Variants in BLK observed in about 807,000 individuals in gnomAD.
BLK encodes the protein tyrosine-protein kinase Blk.
Under a neutral mutation model 61.8 loss-of-function variants are expected in BLK, and 64 were observed. That is an observed-to-expected ratio of 1.03 (90% CI 0.85 to 1.27). BLK has a LOEUF of 1.27. Ranked by LOEUF, BLK falls within the 50% of genes most tolerant of loss-of-function variation. The pLI is 0.00. For missense variants in BLK, 853 were observed against 660.5 expected (o/e 1.29, Z -3.19); for synonymous variants, 351 against 272.0 (o/e 1.29, Z -2.86).
At chr8:11,555,226 G>A (rs148964686) in intron 7 of BLK, 106 bp from the exon 8 acceptor site, 31 of 1,451,202 alleles carry the variant, frequency 2.1e-5, no homozygotes, top group Non-Finnish European at 2.8e-5. Flanking sequence ...CATGCAGGGG[G>A]TGGGGTGGCT....
chr8:11,538,922 T>C (rs1274507481), intron 1 of BLK, among the ~76,000 whole-genome samples: 3 of 152,152 alleles, frequency 2.0e-5, no homozygotes, highest in Non-Finnish European at 4.4e-5. Context: ...GTATCAATAA[T>C]ATATGCTTAG....
chr8:11,550,091 G>C (rs1800831050), intron 5 of BLK, 68 bp from the exon 6 acceptor site: 5 of 1,376,336 alleles, frequency 3.6e-6, no homozygotes, highest in Non-Finnish European at 5.2e-6. Flanking sequence ...GTGCAGGAGG[G>C]AGGCTGTGTG....
chr8:11,539,641 T>C (rs1222234599), intron 1 of BLK, among the ~76,000 whole-genome samples: 2 of 152,224 alleles, frequency 1.3e-5, no homozygotes, highest in Non-Finnish European at 1.5e-5. Context: ...AGATTGCTTC[T>C]TCCAATAATA....
At position 11,497,400 on chromosome 8, in the gene BLK, C is replaced by T. The variant is rs1161791620; in HGVS notation, c.-2+2809C>T. Among the ~76,000 whole-genome samples the T allele has an allele frequency of 2.0e-5, 3 of 152,150 alleles. 1 individual carries two copies. Among genetic ancestry groups the T allele is most frequent in the Admixed American group, 2.0e-4 (3 of 15,274 alleles). The stretch of plus-strand genomic sequence containing the variant: ...TTCCCACCTAGGCAACTTGCATTTG[C>T]TCTGACGTCCAGGGCAGGTGCGAAT... On this transcript the variant is annotated intron_variant, in intron 1 of 12. Coordinates refer to ENST00000259089, the MANE Select transcript of BLK (RefSeq NM_001715.3).
At chr8:11,545,865 G>T (rs1299814616) in intron 2 of BLK, 187 bp from the exon 3 acceptor site, 2 of 705,166 alleles carry the variant, frequency 2.8e-6, no homozygotes, top group East Asian at 2.6e-5. Flanking sequence ...GAGGGCGGGG[G>T]TCTGTCTGAG....
chr8:11,540,921 C>A (rs1221808403), intron 1 of BLK, among the ~76,000 whole-genome samples: 1 of 151,790 alleles, frequency 6.6e-6, no homozygotes, highest in African/African-American at 2.4e-5. Flanking sequence ...AATGCTAATG[C>A]CTCATAGACA....
At chr8:11,551,917 C>T (rs1484803762) in intron 6 of BLK, among the ~76,000 whole-genome samples, 2 of 152,098 alleles carry the variant, frequency 1.3e-5, no homozygotes, top group Admixed American at 6.5e-5. Context: ...AGCTCTACAA[C>T]GTGGCAAGCT....
At chr8:11,553,918 G>A (rs531944595) in intron 6 of BLK, among the ~76,000 whole-genome samples, 1 of 152,254 alleles carries the variant, frequency 6.6e-6, no homozygotes, top group South Asian at 2.1e-4. Context: ...CGAGGGGTCC[G>A]TGCCTGACCC....
intron 1 of BLK, among the ~76,000 whole-genome samples, chr8:11,503,406 T>A (rs1798641089): frequency 6.6e-6 from 1 of 151,964 alleles, no homozygotes; most frequent in Admixed American, 6.6e-5. Flanking sequence ...GATCTGGGGG[T>A]GCTGGCACAC....
chr8:11,507,626 C>G (rs1798827266), intron 1 of BLK, among the ~76,000 whole-genome samples: 1 of 152,190 alleles, frequency 6.6e-6, no homozygotes, highest in Non-Finnish European at 1.5e-5. Context: ...AGAGGCGAAT[C>G]AGAAAGTCCC....
At chr8:11,531,941 C>G (rs1425388189) in intron 1 of BLK, among the ~76,000 whole-genome samples, 1 of 152,124 alleles carries the variant, frequency 6.6e-6, no homozygotes, top group Non-Finnish European at 1.5e-5. Flanking sequence ...TCACTGCAAC[C>G]ACAGCCTCTC....
chr8:11,550,913 G>A (rs1800868792), intron 6 of BLK, among the ~76,000 whole-genome samples: 1 of 152,272 alleles, frequency 6.6e-6, no homozygotes, highest in Middle Eastern at 3.4e-3. Flanking sequence ...AAATCATATA[G>A]GGTAATAATA....
chr8:11,520,583 T>G (rs924017050), intron 1 of BLK, among the ~76,000 whole-genome samples: 3 of 151,422 alleles, frequency 2.0e-5, no homozygotes, highest in Non-Finnish European at 4.4e-5. Context: ...CTGTAAAAGC[T>G]TGTTGTAACC....
chr8:11,552,467 G>T (rs560933332), intron 6 of BLK: 6 of 152,314 alleles, frequency 3.9e-5, no homozygotes, highest in African/African-American at 1.2e-4. Context: ...CTCTGTACAA[G>T]AAATAATTTG....
At chr8:11,521,344 G>T (rs926276286) in intron 1 of BLK, among the ~76,000 whole-genome samples, 2 of 152,164 alleles carry the variant, frequency 1.3e-5, no homozygotes, top group African/African-American at 4.8e-5. Context: ...AGGCTGGAGT[G>T]CAATGGCACC....
intron 9 of BLK, among the ~76,000 whole-genome samples, 182 bp downstream of exon 9, chr8:11,557,019 A>C (rs531294841): frequency 6.6e-6 from 1 of 152,166 alleles, no homozygotes; most frequent in Admixed American, 6.5e-5. Flanking sequence ...GGTGAGAAAC[A>C]GGAGGGTGAA....
In BLK at chr8:11,562,964, T is replaced by C; in HGVS notation, c.1181-15T>C. ...CGGCCGTGGCCTCCCAAAGCTTGCATGGCTTTTCCCACAGGGGCCAAGTTC... is the reference window on the plus strand; with the variant it reads ...CGGCCGTGGCCTCCCAAAGCTTGCACGGCTTTTCCCACAGGGGCCAAGTTC... On this transcript the variant is annotated splice_polypyrimidine_tract_variant and intron_variant, in intron 11 of 12. Coordinates refer to ENST00000259089, the MANE Select transcript of BLK (RefSeq NM_001715.3). 1 of 1,613,976 alleles carries C rather than the reference T, an allele frequency of 6.2e-7. No individual in the cohort carries two copies. Among genetic ancestry groups the C allele is most frequent in the South Asian group, 1.1e-5 (1 of 91,092 alleles).
chr8:11,556,652 G>T lies in BLK; in HGVS notation c.773-6G>T, dbSNP rs1198545880. The T allele has an allele frequency of 5.0e-6, 8 of 1,614,092 alleles. No homozygotes were observed. The highest frequency in any genetic ancestry group is 6.8e-6 in the Non-Finnish European group (8 of 1,180,016). On this transcript the variant is annotated splice_polypyrimidine_tract_variant and splice_region_variant and intron_variant, in intron 8 of 12. Coordinates refer to ENST00000259089, the MANE Select transcript of BLK (RefSeq NM_001715.3). ...CTGATTGGCTTCTTCACTCCCCCGG[G>T]CTCAGGTTACTACAAAAACAACATG...
chr8:11,546,207 G>C, intron 3 of BLK, 104 bp downstream of exon 3: 2 of 1,393,398 alleles, frequency 1.4e-6, no homozygotes, highest in Non-Finnish European at 2.0e-6. Flanking sequence ...TTGAGGGCTG[G>C]AGAAGAGAAA....
Sources: gnomAD v4.1 joint callset for allele counts (sites outside exome capture counted in the v4.1 genomes callset) on GRCh38, gnomAD v4.1.1 for gene constraint, MANE v1.5 for transcripts, NCBI Gene and HGNC (gene_info 2026-07-23, HGNC 2026-07-21) for gene names.